The following YEATS4 variants were observed in gnomAD, a reference collection of about 807,000 sequenced individuals.
The protein encoded by YEATS4 is YEATS domain containing 4.
In YEATS4, 17 loss-of-function variants were observed where a neutral mutation model predicts 30.1. The ratio of observed to expected loss-of-function variants is 0.56; its 90% CI spans 0.39 to 0.85. The LOEUF (loss-of-function observed/expected upper bound fraction) is 0.85, where lower values mean the gene tolerates loss of function less well. Among genes scored for constraint, YEATS4 ranks in the 40% least tolerant of loss-of-function variants. YEATS4 has a pLI of 0.00. For missense variants in YEATS4, 142 were observed against 268.3 expected, an observed-to-expected ratio of 0.53 and a Z score of 3.29; for synonymous variants, 85 against 87.5, an observed-to-expected ratio of 0.97 and a Z score of 0.16.
At chr12:69,419,014 CATATATAT>C in the YEATS4 span, among the ~76,000 whole-genome samples, 1,971 of 143,358 alleles carry the variant, frequency 0.014, 49 homozygotes, top group African/African-American at 0.046. Context: ...TAATTTAAGC[CATATATAT>C]ATATATATAT....
At chr12:69,373,570 C>G (rs1286714509) in intron 6 of YEATS4, among the ~76,000 whole-genome samples, 1 of 152,114 alleles carries the variant, frequency 6.6e-6, no homozygotes, top group Non-Finnish European at 1.5e-5. Flanking sequence ...TTCTTCCATT[C>G]TGTGTGTTGT....
At chr12:69,375,062 C>T (rs578037755) in intron 6 of YEATS4, among the ~76,000 whole-genome samples, 3 of 151,320 alleles carry the variant, frequency 2.0e-5, no homozygotes, top group South Asian at 2.1e-4. Context: ...CCCCACCTCC[C>T]GGAGGGGGCG....
the YEATS4 span, among the ~76,000 whole-genome samples, chr12:69,425,098 T>C: frequency 1.1e-4 from 17 of 151,914 alleles, no homozygotes; most frequent in South Asian, 4.2e-4. Flanking sequence ...TTTTTTGTAT[T>C]TGTAGTAGAG....
At chr12:69,375,162 C>T (rs1344536195) in intron 6 of YEATS4, among the ~76,000 whole-genome samples, 4 of 147,096 alleles carry the variant, frequency 2.7e-5, no homozygotes, top group Non-Finnish European at 6.0e-5. Flanking sequence ...GGCTGCCGGG[C>T]GTAGGGGCTC....
At position 69,390,422 on chromosome 12, in the gene YEATS4, A is replaced by G. The variant is rs1332265867; in HGVS notation, c.*106A>G. 4.8e-6 allele frequency: 5 copies of G among 1,033,774 alleles called. No homozygotes were observed. The highest frequency in any genetic ancestry group is 1.7e-5 in the African/African-American group (1 of 60,044). The allele number at this position is 1,033,774 out of a possible 1,614,324, so 64.0% of individuals were successfully genotyped here. A position where few individuals can be genotyped will look rare whatever the true frequency, so the allele number is the denominator to read the frequency against. On this transcript the variant is annotated 3_prime_UTR_variant, in exon 7 of 7. Coordinates refer to ENST00000247843, the MANE Select transcript of YEATS4 (RefSeq NM_006530.4). ...CTGTGATGTTTCTTAGAGGAACTTC[A>G]TATACAGCTGTTGACCATGAATTTC...
intron 1 of YEATS4, chr12:69,361,466 T>A (rs12297222): frequency 0.11 from 16,466 of 152,278 alleles, 2,774 homozygotes; most frequent in African/African-American, 0.36. Context: ...AATTTTGTAT[T>A]TTTAGTAGAG....
At chr12:69,382,223 G>A (rs1592857721) in intron 6 of YEATS4, among the ~76,000 whole-genome samples, 6 of 152,300 alleles carry the variant, frequency 3.9e-5, no homozygotes, top group African/African-American at 1.2e-4. Context: ...CAATCTCCAA[G>A]CCAAATAACA....
intron 6 of YEATS4, among the ~76,000 whole-genome samples, chr12:69,384,424 T>C (rs7298421): frequency 0.046 from 6,985 of 152,300 alleles, 534 homozygotes; most frequent in African/African-American, 0.16. Flanking sequence ...GGGAAGTTTT[T>C]ATCAATAAAT....
intron 6 of YEATS4, among the ~76,000 whole-genome samples, chr12:69,375,886 A>C (rs369942392): frequency 6.6e-6 from 1 of 150,566 alleles, no homozygotes; most frequent in Non-Finnish European, 1.5e-5. Flanking sequence ...TCAGAGGGAG[A>C]CCGCGCAGAG....
At chr12:69,425,079 C>T in the YEATS4 span, among the ~76,000 whole-genome samples, 17,459 of 151,878 alleles carry the variant, frequency 0.11, 1,207 homozygotes, top group East Asian at 0.19. Flanking sequence ...GTCACCATGC[C>T]CGGCTACTTT....
the YEATS4 span, among the ~76,000 whole-genome samples, chr12:69,402,342 G>A: frequency 6.6e-6 from 1 of 152,118 alleles, no homozygotes; most frequent in Non-Finnish European, 1.5e-5. Context: ...CATTCGTTGT[G>A]GGCCTAATTA....
the YEATS4 span, among the ~76,000 whole-genome samples, chr12:69,416,870 C>T: frequency 3.3e-5 from 5 of 152,016 alleles, no homozygotes; most frequent in South Asian, 4.2e-4. Context: ...GTCTGGAGTT[C>T]GAGACCAGCC....
At chr12:69,398,915 C>T in the YEATS4 span, among the ~76,000 whole-genome samples, 1 of 151,758 alleles carries the variant, frequency 6.6e-6, no homozygotes, top group Admixed American at 6.6e-5. Context: ...CTTTAAGAGG[C>T]TGAGGCAGGT....
chr12:69,372,405 G>T (rs1875678049), intron 6 of YEATS4, among the ~76,000 whole-genome samples: 1 of 152,012 alleles, frequency 6.6e-6, no homozygotes, highest in African/African-American at 2.4e-5. Context: ...TAGTCACCCT[G>T]TTGTGCTATC....
At chr12:69,367,423 A>C (rs1478396565) in intron 4 of YEATS4, among the ~76,000 whole-genome samples, 1 of 152,046 alleles carries the variant, frequency 6.6e-6, no homozygotes, top group Non-Finnish European at 1.5e-5. Flanking sequence ...GCTGGAGTAC[A>C]GTGGCATAAA....
At chr12:69,379,660 C>T (rs900019063) in intron 6 of YEATS4, among the ~76,000 whole-genome samples, 3 of 133,106 alleles carry the variant, frequency 2.3e-5, no homozygotes, top group Non-Finnish European at 3.1e-5. Context: ...AGGCTAGTCT[C>T]GAACTCCTGG....
At chr12:69,397,659 A>G in the YEATS4 span, among the ~76,000 whole-genome samples, 1 of 152,186 alleles carries the variant, frequency 6.6e-6, no homozygotes, top group Non-Finnish European at 1.5e-5. Flanking sequence ...TTTTATTTAT[A>G]AATTACCCAA....
At chr12:69,396,774 C>T in the YEATS4 span, among the ~76,000 whole-genome samples, 26 of 152,284 alleles carry the variant, frequency 1.7e-4, no homozygotes, top group South Asian at 5.4e-3. Context: ...TCATTGAGAT[C>T]ACTGATGCTA....
the YEATS4 span, among the ~76,000 whole-genome samples, chr12:69,426,935 C>G: frequency 6.6e-6 from 1 of 152,090 alleles, no homozygotes; most frequent in South Asian, 2.1e-4. Flanking sequence ...GGCTTTATTT[C>G]TCAACACATC....
Sources: allele counts gnomAD v4.1 joint callset (sites outside exome capture counted in the v4.1 genomes callset), GRCh38; gene constraint gnomAD v4.1.1; transcripts MANE v1.5; gene names NCBI Gene and HGNC (gene_info 2026-07-23, HGNC 2026-07-21).